Variants in MRPL48 observed in about 807,000 individuals in gnomAD.
MRPL48 encodes large ribosomal subunit protein mL48.
In MRPL48, 16 loss-of-function variants were observed where a neutral mutation model predicts 32.9. The observed-to-expected ratio is 0.49, with a 90% CI of 0.33 to 0.74. The LOEUF (loss-of-function observed/expected upper bound fraction) is 0.74. Ranked by LOEUF, MRPL48 falls within the 30% of genes least tolerant of loss-of-function variation. The pLI, the probability that MRPL48 is intolerant of heterozygous loss-of-function variation, is 0.02. For missense variants in MRPL48, 206 were observed against 245.3 expected, an observed-to-expected ratio of 0.84 and a Z score of 1.07; for synonymous variants, 94 against 89.2, an observed-to-expected ratio of 1.05 and a Z score of -0.31.
At chr11:73,841,610 A>G in intron 4 of MRPL48, among the ~76,000 whole-genome samples, 1 of 152,202 alleles carries the variant, frequency 6.6e-6, no homozygotes, top group Admixed American at 6.5e-5. Flanking sequence ...TTCATAAGTC[A>G]GGATAGTGGT....
At chr11:73,852,393 C>CAAAAAAAAA (rs10554131) in intron 5 of MRPL48, among the ~76,000 whole-genome samples, 12 of 83,338 alleles carry the variant, frequency 1.4e-4, no homozygotes, top group Non-Finnish European at 1.6e-4. Flanking sequence ...AACTCTATAG[C>CAAAAAAAAA]AAAAAAAAAA....
At position 73,844,887 on chromosome 11, in the gene MRPL48, T is replaced by A. The variant is rs1948260005; in HGVS notation, c.282T>A (p.His94Gln). 1 of 1,613,882 alleles carries A rather than the reference T, an allele frequency of 6.2e-7. No individual in the cohort carries two copies. Among genetic ancestry groups the A allele is most frequent in the African/African-American group, 1.3e-5 (1 of 75,042 alleles). Residue 94 changes from histidine (H) to glutamine (Q), a missense_variant, in exon 5 of 8, where the codon CAT (histidine) becomes CAA (glutamine). By Grantham distance (24) the His-to-Gln change is conservative. Coordinates refer to ENST00000310614, the MANE Select transcript of MRPL48 (RefSeq NM_016055.6). ...TDYEYGVLNIHLTAYDMTLAE... is the reference protein window; with the variant it reads ...TDYEYGVLNIQLTAYDMTLAE... ...ATGAATATGGGGTTTTAAATATTCA[T>A]CTGACTGCATATGATATGACCCTGG...
intron 1 of MRPL48, among the ~76,000 whole-genome samples, chr11:73,801,109 C>T (rs1022759693): frequency 6.6e-6 from 1 of 152,134 alleles, no homozygotes; most frequent in Non-Finnish European, 1.5e-5. Context: ...CTGGGCCTGG[C>T]CGAAAGTTGT....
In MRPL48 at chr11:73,788,470, TTC is replaced by T. The variant is rs1947087371; in HGVS notation, c.21+480_21+481del. On this transcript the variant is annotated intron_variant, in intron 1 of 7. Transcript: ENST00000310614. ...ATAAACTAGGTTTTTGTTCTTTTCT[TTC>T]TTTTTTTTTTTTTTTTTTTTTTGAC... Among the ~76,000 whole-genome samples the T allele has an allele frequency of 2.1e-5, 3 of 142,152 alleles. No homozygotes were observed. In the Admixed American group the frequency reaches 2.2e-4, roughly 10 times the overall value. 93.3% of individuals were successfully genotyped at this position (142,152 alleles called of 152,430 possible).
chr11:73,816,423 A>C (rs543447135), intron 3 of MRPL48, among the ~76,000 whole-genome samples: 79 of 149,162 alleles, frequency 5.3e-4, no homozygotes, highest in South Asian at 1.3e-3. Context: ...GCCAGTATGA[A>C]ACTGTTTTAA....
rs1223951183 is a variant in MRPL48 at position 73,800,810 on chromosome 11, C to CTT, written c.22-4200_22-4199dup. On this transcript the variant is annotated intron_variant, in intron 1 of 7. Transcript: ENST00000310614. Reference sequence around the variant, plus strand: ...AAGTTGTCAACTCTTTTTTCTTTTTCTTTTTTTTTTTTTTTTTTGAGATGG... The same window carrying CTT: ...AAGTTGTCAACTCTTTTTTCTTTTTCTTTTTTTTTTTTTTTTTTTTGAGATGG... 2.6e-3 allele frequency among the ~76,000 whole-genome samples: 344 copies of CTT among 132,864 alleles called. 2 individuals are homozygous for CTT. The highest frequency in any genetic ancestry group is 3.8e-3 in the Non-Finnish European group (237 of 62,004). 87.2% of individuals were successfully genotyped at this position (132,864 alleles called of 152,430 possible).
At chr11:73,793,176 C>T (rs1947184164) in intron 1 of MRPL48, among the ~76,000 whole-genome samples, 1 of 152,180 alleles carries the variant, frequency 6.6e-6, no homozygotes, top group Non-Finnish European at 1.5e-5. Flanking sequence ...AGTGATTCTC[C>T]TGCCTCAGCC....
chr11:73,800,156 C>T (rs1168782086), intron 1 of MRPL48, among the ~76,000 whole-genome samples: 1 of 151,776 alleles, frequency 6.6e-6, no homozygotes, highest in South Asian at 2.1e-4. Flanking sequence ...CTCCTGTAAT[C>T]CCAGCATTTT....
At chr11:73,849,009 G>C (rs1590997382) in intron 5 of MRPL48, among the ~76,000 whole-genome samples, 1 of 152,030 alleles carries the variant, frequency 6.6e-6, no homozygotes, top group East Asian at 1.9e-4. Context: ...TTTTAGTAGA[G>C]TTGGGGTTTG....
intron 1 of MRPL48, among the ~76,000 whole-genome samples, chr11:73,804,648 A>G (rs1947418622): frequency 6.6e-6 from 1 of 152,208 alleles, no homozygotes; most frequent in Non-Finnish European, 1.5e-5. Flanking sequence ...TGCTTTACTT[A>G]CGAAATTGTC....
intron 5 of MRPL48, among the ~76,000 whole-genome samples, chr11:73,847,690 C>T (rs574460542): frequency 2.0e-5 from 3 of 152,146 alleles, no homozygotes; most frequent in Non-Finnish European, 2.9e-5. Context: ...GTGATCTGCC[C>T]GCTTCGGCCT....
intron 7 of MRPL48, among the ~76,000 whole-genome samples, chr11:73,863,636 G>A (rs1184565357): frequency 5.9e-5 from 9 of 152,200 alleles, no homozygotes. Context: ...AAGGTTCCTG[G>A]ATCTTCAAGG....
In MRPL48 at chr11:73,807,089, C is replaced by T. The variant is rs1230577632; in HGVS notation, c.75-1224C>T. On this transcript the variant is annotated intron_variant, in intron 2 of 7. Coordinates refer to ENST00000310614, the MANE Select transcript of MRPL48 (RefSeq NM_016055.6). Reference sequence around the variant, plus strand: ...TTCACCATGTTGACCTGGCTAGTTTCGAACTCCTGACCTCAAGTGATCCAT... The same window carrying T: ...TTCACCATGTTGACCTGGCTAGTTTTGAACTCCTGACCTCAAGTGATCCAT... 2.0e-5 allele frequency among the ~76,000 whole-genome samples: 3 copies of T among 152,030 alleles called. No homozygotes were observed. In the East Asian group the frequency reaches 5.8e-4, roughly 29 times the overall value.
chr11:73,803,750 G>T (rs902659511), intron 1 of MRPL48, among the ~76,000 whole-genome samples: 1 of 151,190 alleles, frequency 6.6e-6, no homozygotes, highest in East Asian at 1.9e-4. Context: ...TTTCTTTCCC[G>T]TAAAACAAAC....
intron 4 of MRPL48, among the ~76,000 whole-genome samples, chr11:73,828,985 T>C (rs1486266764): frequency 6.6e-6 from 1 of 152,110 alleles, no homozygotes. Context: ...TTTTTGGCTG[T>C]TTTAAAAAAA....
intron 1 of MRPL48, among the ~76,000 whole-genome samples, chr11:73,796,393 G>T (rs554036053): frequency 1.3e-5 from 2 of 152,240 alleles, no homozygotes; most frequent in Non-Finnish European, 1.5e-5. Context: ...AGGTACTGTC[G>T]CAGCCTGGCC....
intron 3 of MRPL48, among the ~76,000 whole-genome samples, chr11:73,825,375 G>C (rs1947868529): frequency 6.7e-6 from 1 of 149,666 alleles, no homozygotes; most frequent in African/African-American, 2.5e-5. Flanking sequence ...AGGTGTGGTG[G>C]CTCACACCTG....
intron 5 of MRPL48, among the ~76,000 whole-genome samples, chr11:73,856,660 C>A (rs890952309): frequency 6.6e-6 from 1 of 152,146 alleles, no homozygotes; most frequent in African/African-American, 2.4e-5. Flanking sequence ...TTTAAAAAAT[C>A]TACTTACATT....
chr11:73,795,774 G>C (rs748665549), intron 1 of MRPL48, among the ~76,000 whole-genome samples: 6 of 151,844 alleles, frequency 4.0e-5, no homozygotes, highest in Non-Finnish European at 8.8e-5. Flanking sequence ...CCAAAGTGCT[G>C]GGATTACAGG....
Sources: gnomAD v4.1 joint callset for allele counts (sites outside exome capture counted in the v4.1 genomes callset) on GRCh38, gnomAD v4.1.1 for gene constraint, MANE v1.5 for transcripts, NCBI Gene and HGNC (gene_info 2026-07-23, HGNC 2026-07-21) for gene names.